The following NUMB variants were observed in gnomAD, a reference collection of about 807,000 sequenced individuals.
NUMB encodes NUMB endocytic adaptor protein.
In NUMB, 29 loss-of-function variants were observed where a neutral mutation model predicts 59.7. The observed-to-expected ratio is 0.49, with a 90% CI of 0.36 to 0.66. The LOEUF (loss-of-function observed/expected upper bound fraction) is 0.66. NUMB is among the 30% of genes least tolerant of loss of function. NUMB has a pLI of 0.00. For missense variants in NUMB, 723 were observed against 822.0 expected, an observed-to-expected ratio of 0.88 and a Z score of 1.47; for synonymous variants, 288 against 288.2, an observed-to-expected ratio of 1.00 and a Z score of 0.01.
rs869074049 is a variant in NUMB at position 73,389,272 on chromosome 14, C to CAAAAAAAAAAAAA, written c.-101+20652_-101+20664dup. ...GGTTACAGAGCGAGACTCCATCTCT[C>CAAAAAAAAAAAAA]AAAAAAAAAAAAAAAAAAAAACAAA... On this transcript the variant is annotated intron_variant, in intron 2 of 12. Coordinates refer to ENST00000555238, the MANE Select transcript of NUMB (RefSeq NM_001005743.2). Among the ~76,000 whole-genome samples, 51 of 66,454 alleles carry CAAAAAAAAAAAAA rather than the reference C, an allele frequency of 7.7e-4. 1 individual carries two copies. Among genetic ancestry groups the CAAAAAAAAAAAAA allele is most frequent in the African/African-American group, 2.3e-3 (40 of 17,134 alleles). 43.6% of individuals were successfully genotyped at this position (66,454 alleles called of 152,430 possible). A position where few individuals can be genotyped will look rare whatever the true frequency, so the allele number is the denominator to read the frequency against.
At chr14:73,301,913 T>C (rs1015323704) in intron 6 of NUMB, among the ~76,000 whole-genome samples, 1 of 151,912 alleles carries the variant, frequency 6.6e-6, no homozygotes, top group African/African-American at 2.4e-5. Flanking sequence ...AAACCCCATA[T>C]CTACTAAAAA....
chr14:73,349,572 C>T (rs1344232598), intron 4 of NUMB, among the ~76,000 whole-genome samples: 1 of 99,862 alleles, frequency 1.0e-5, no homozygotes, highest in Non-Finnish European at 2.0e-5. Flanking sequence ...GAAACTCCAT[C>T]TCAAGAAAAA....
At chr14:73,297,121 C>G in intron 7 of NUMB, 90 bp downstream of exon 7, 1 of 809,404 alleles carries the variant, frequency 1.2e-6, no homozygotes, top group Non-Finnish European at 2.0e-6. Flanking sequence ...GGGCCGAGAT[C>G]GTGCCATTGC....
At chr14:73,393,625 T>A (rs1895965277) in intron 2 of NUMB, among the ~76,000 whole-genome samples, 1 of 152,228 alleles carries the variant, frequency 6.6e-6, no homozygotes, top group Admixed American at 6.5e-5. Flanking sequence ...TGCTCTTTAG[T>A]AACAATGCAT....
chr14:73,438,222 A>G (rs1352175280), intron 1 of NUMB, among the ~76,000 whole-genome samples: 3 of 152,236 alleles, frequency 2.0e-5, no homozygotes, highest in Admixed American at 2.0e-4. Flanking sequence ...CATATTTAGC[A>G]ATATTCATTG....
intron 6 of NUMB, among the ~76,000 whole-genome samples, chr14:73,307,352 T>C (rs1002372475): frequency 6.6e-6 from 1 of 150,550 alleles, no homozygotes; most frequent in East Asian, 1.9e-4. Flanking sequence ...AGTGTGTGTG[T>C]GTCTGGGGGA....
At chr14:73,422,288 T>G (rs1473664988) in intron 1 of NUMB, among the ~76,000 whole-genome samples, 2 of 152,212 alleles carry the variant, frequency 1.3e-5, no homozygotes, top group Non-Finnish European at 2.9e-5. Flanking sequence ...CATCCTCCTC[T>G]AATCATTGTG....
chr14:73,357,711 C>T (rs1191990091), intron 3 of NUMB, among the ~76,000 whole-genome samples: 1 of 151,822 alleles, frequency 6.6e-6, no homozygotes, highest in Non-Finnish European at 1.5e-5. Flanking sequence ...TGCAGTAAGC[C>T]GAGATTGTGC....
In NUMB at chr14:73,282,402, G is replaced by A; in HGVS notation, c.1053C>T (p.Thr351=). 1.2e-6 allele frequency: 2 copies of A among 1,614,176 alleles called. No homozygotes were observed. Among genetic ancestry groups the A allele is most frequent in the Non-Finnish European group, 1.7e-6 (2 of 1,180,030 alleles). The change falls in exon 11 of 13, where the codon ACC becomes ACT. Residue 351 remains threonine, a synonymous_variant. Transcript: ENST00000555238. ...PEDPFSSAPM[T]KPVTVVAPQS... ...GTGGTGCCACCACTGTCACTGGTTT[G>A]GTCATCGGAGCAGATGAGAAGGGGT...
At chr14:73,369,625 C>G (rs1389517618) in intron 2 of NUMB, among the ~76,000 whole-genome samples, 2 of 152,190 alleles carry the variant, frequency 1.3e-5, no homozygotes, top group Non-Finnish European at 2.9e-5. Flanking sequence ...GTCCACATCT[C>G]TTCCCACCTC....
At chr14:73,438,136 T>C (rs1183811588) in intron 1 of NUMB, among the ~76,000 whole-genome samples, 4 of 152,234 alleles carry the variant, frequency 2.6e-5, no homozygotes, top group Admixed American at 2.0e-4. Flanking sequence ...CTGAGAGCTC[T>C]AGAAATGTTA....
Position 73,357,046 on chromosome 14 carries a change from G to A in NUMB, c.-15-1280C>T, listed in dbSNP as rs75940536. 1.3e-3 allele frequency: 1,242 copies of A among 958,044 alleles called. 12 individuals are homozygous for A. In the African/African-American group the frequency reaches 0.017, roughly 13 times the overall value. 59.3% of individuals were successfully genotyped at this position (958,044 alleles called of 1,614,324 possible). A position where few individuals can be genotyped will look rare whatever the true frequency, so the allele number is the denominator to read the frequency against. ...TGACATCAGAATGCCTTTCCATATC[G>A]ATAATCATTATAGTAACATAAAAAA... On this transcript the variant is annotated intron_variant, in intron 3 of 12. Transcript: ENST00000555238.
At chr14:73,369,484 C>T (rs8011974) in intron 2 of NUMB, among the ~76,000 whole-genome samples, 117,712 of 152,220 alleles carry the variant, frequency 0.77, 45,994 homozygotes, top group African/African-American at 0.87. Context: ...CTCATTCACT[C>T]ATTAATACTT....
At chr14:73,451,643 A>G (rs1883981776) in intron 1 of NUMB, among the ~76,000 whole-genome samples, 2 of 152,186 alleles carry the variant, frequency 1.3e-5, no homozygotes, top group African/African-American at 2.4e-5. Context: ...AATTATCTAC[A>G]TGATAAAATC....
At chr14:73,325,810 G>C (rs940140364) in intron 4 of NUMB, among the ~76,000 whole-genome samples, 1 of 152,178 alleles carries the variant, frequency 6.6e-6, no homozygotes, top group Non-Finnish European at 1.5e-5. Context: ...TCAGCCACCA[G>C]GAAATCCTGT....
intron 1 of NUMB, among the ~76,000 whole-genome samples, chr14:73,420,930 G>A (rs557512703): frequency 4.6e-5 from 7 of 152,092 alleles, no homozygotes; most frequent in Non-Finnish European, 7.3e-5. Context: ...GTATTAACAT[G>A]TGTACCTGAA....
chr14:73,290,298 C>T (rs1284757140), intron 8 of NUMB, among the ~76,000 whole-genome samples: 2 of 152,214 alleles, frequency 1.3e-5, no homozygotes, highest in African/African-American at 4.8e-5. Context: ...TGAAGGACAG[C>T]TTACACAATA....
At chr14:73,342,987 T>A (rs527402666) in intron 4 of NUMB, among the ~76,000 whole-genome samples, 1 of 148,070 alleles carries the variant, frequency 6.8e-6, no homozygotes, top group South Asian at 2.1e-4. Flanking sequence ...CCACCATGTC[T>A]GGCTAATTTT....
At chr14:73,428,908 G>A (rs1415447203) in intron 1 of NUMB, among the ~76,000 whole-genome samples, 3 of 152,110 alleles carry the variant, frequency 2.0e-5, no homozygotes, top group Admixed American at 1.3e-4. Flanking sequence ...AATTGGAGAG[G>A]TGTAATTTAT....
Sources: gnomAD v4.1 joint callset for allele counts (sites outside exome capture counted in the v4.1 genomes callset) on GRCh38, gnomAD v4.1.1 for gene constraint, MANE v1.5 for transcripts, NCBI Gene and HGNC (gene_info 2026-07-23, HGNC 2026-07-21) for gene names.